RADIL: variants seen among roughly 807,000 people sequenced by gnomAD.
RADIL encodes the protein Rap associating with DIL domain.
Under a neutral mutation model 97.6 loss-of-function variants are expected in RADIL, and 99 were observed. The observed-to-expected ratio is 1.01, with a 90% confidence interval of 0.86 to 1.20. The LOEUF is 1.20. RADIL is among the 50% of genes most tolerant of loss of function. The pLI is 0.00. For missense variants in RADIL, 1,765 were observed against 1,498.9 expected (o/e 1.18, Z -2.93); for synonymous variants, 803 against 691.8 (o/e 1.16, Z -2.52).
intron 5 of RADIL, among the ~76,000 whole-genome samples, chr7:4,829,297 A>G (rs1014111858): frequency 6.6e-6 from 1 of 152,130 alleles, no homozygotes; most frequent in African/African-American, 2.4e-5. Context: ...ACAGTCCCAG[A>G]TCTCAGAGGC....
intron 2 of RADIL, among the ~76,000 whole-genome samples, chr7:4,844,668 A>G (rs1265749945): frequency 6.6e-6 from 1 of 152,122 alleles, no homozygotes; most frequent in Non-Finnish European, 1.5e-5. Context: ...CAATGGCACG[A>G]TCACAGCTCA....
intron 2 of RADIL, chr7:4,858,147 T>C (rs543293192): frequency 1.3e-4 from 20 of 152,366 alleles, no homozygotes; most frequent in African/African-American, 4.6e-4. Flanking sequence ...TATCAGAAAG[T>C]AATGGTGAAA....
intron 2 of RADIL, among the ~76,000 whole-genome samples, chr7:4,855,620 T>TAAAAAA (rs760588803): frequency 1.1e-5 from 1 of 88,166 alleles, no homozygotes; most frequent in Non-Finnish European, 2.4e-5. Context: ...TTTATTTTTG[T>TAAAAAA]AAAAAAAAAA....
chr7:4,844,254 G>C (rs778215912), intron 2 of RADIL, among the ~76,000 whole-genome samples: 1 of 152,008 alleles, frequency 6.6e-6, no homozygotes, highest in African/African-American at 2.4e-5. Flanking sequence ...GACCATCCTG[G>C]CCAACATGGT....
At chr7:4,832,850 G>A (rs558133467) in intron 4 of RADIL, among the ~76,000 whole-genome samples, 19 of 152,186 alleles carry the variant, frequency 1.2e-4, no homozygotes, top group Admixed American at 7.9e-4. Context: ...GTGTATATTT[G>A]GTAAGGAATG....
intron 9 of RADIL, among the ~76,000 whole-genome samples, chr7:4,807,954 CCTG>C (rs1214451660): frequency 7.1e-4 from 49 of 69,266 alleles, no homozygotes; most frequent in African/African-American, 3.7e-3. Context: ...CCTCTCCCTC[CCTG>C]TCTCTCTCCT....
intron 2 of RADIL, chr7:4,865,738 G>A: frequency 9.3e-7 from 1 of 1,071,564 alleles, no homozygotes; most frequent in Non-Finnish European, 1.4e-6. Context: ...GCAATCAAGA[G>A]TGAACTTCAG....
intron 9 of RADIL, among the ~76,000 whole-genome samples, chr7:4,806,884 A>T (rs1345638156): frequency 2.0e-5 from 3 of 152,180 alleles, no homozygotes; most frequent in African/African-American, 7.2e-5. Flanking sequence ...ACCTGAGTGC[A>T]AATCTTCAGG....
In RADIL at chr7:4,878,122, G is replaced by T. The variant is rs1259888558; in HGVS notation, c.18C>A (p.His6Gln). 3 of 1,564,538 alleles carry T rather than the reference G, an allele frequency of 1.9e-6. No homozygotes were observed. The highest frequency in any genetic ancestry group is 2.6e-6 in the Non-Finnish European group (3 of 1,155,824). MFYGT[H>Q]FIMSPPTKSK... ...TCTTGGTGGGCGGGGACATGATGAAGTGCGTCCCATAAAACATGGTGGGTG... is the reference window on the plus strand; with the variant it reads ...TCTTGGTGGGCGGGGACATGATGAATTGCGTCCCATAAAACATGGTGGGTG... Residue 6 changes from histidine (H) to glutamine (Q), a missense_variant, in exon 2 of 15, where the codon CAC (histidine) becomes CAA (glutamine). Transcript: ENST00000399583. This position sits in a 1 kb window ranked among gnomAD's most constrained non-coding sequence, Gnocchi z 4.1.
intron 2 of RADIL, among the ~76,000 whole-genome samples, chr7:4,846,734 T>C (rs1583303559): frequency 1.3e-5 from 2 of 150,764 alleles, no homozygotes; most frequent in East Asian, 2.0e-4. Context: ...TTAGTAGAGA[T>C]GGGGTTTCAC....
At chr7:4,808,577 A>C in intron 9 of RADIL, 2 of 977,150 alleles carry the variant, frequency 2.0e-6, no homozygotes, top group Non-Finnish European at 2.4e-6. Context: ...AGCGGCCGCA[A>C]AGCCCGAAGT....
At chr7:4,802,842 G>T (rs1384094703) in intron 11 of RADIL, among the ~76,000 whole-genome samples, 3 of 119,916 alleles carry the variant, frequency 2.5e-5, no homozygotes, top group Non-Finnish European at 1.7e-5. Flanking sequence ...CTCGGGGAAT[G>T]CTGGCTGGAC....
chr7:4,846,367 G>A (rs896300507), intron 2 of RADIL, among the ~76,000 whole-genome samples: 48 of 151,696 alleles, frequency 3.2e-4, no homozygotes, highest in Non-Finnish European at 5.7e-4. Flanking sequence ...GTGTGGTCTC[G>A]ATCTCCTGAC....
intron 2 of RADIL, among the ~76,000 whole-genome samples, chr7:4,851,990 CT>C (rs1783720197): frequency 6.6e-6 from 1 of 152,126 alleles, no homozygotes; most frequent in South Asian, 2.1e-4. Context: ...AACAGAGGAC[CT>C]CAAGGAAGTT....
intron 9 of RADIL, 85 bp from the exon 10 acceptor site, chr7:4,805,801 G>C (rs1454656992): frequency 1.3e-6 from 2 of 1,509,774 alleles, no homozygotes; most frequent in East Asian, 4.7e-5. Context: ...AGGTGGCCTG[G>C]GGGTAGCCAG....
rs572414617 is a variant in RADIL at position 4,820,769 on chromosome 7, G to A, written c.1615+1625C>T. On this transcript the variant is annotated intron_variant, in intron 6 of 14. Coordinates refer to ENST00000399583, the MANE Select transcript of RADIL (RefSeq NM_018059.5). ...GCCTGTTCCACGCGCCCTCAGTCCA[G>A]CCTGGTCTCTGCAGCCCGGCCCCCG... is the stretch of plus-strand genomic sequence containing the variant. Among the ~76,000 whole-genome samples, 351 of 152,174 alleles carry A rather than the reference G, an allele frequency of 2.3e-3. 4 individuals carry two copies. Among genetic ancestry groups the A allele is most frequent in the Non-Finnish European group, 4.4e-3 (296 of 68,014 alleles).
intron 9 of RADIL, chr7:4,806,003 A>G (rs891906026): frequency 1.0e-6 from 1 of 985,472 alleles, no homozygotes; most frequent in African/African-American, 1.7e-5. Flanking sequence ...GCGGCCGCCA[A>G]CCAGAGAAAC....
Position 4,877,746 on chromosome 7 carries a change from G to A in RADIL, c.394C>T (p.Arg132Trp), listed in dbSNP as rs766814753. 6.8e-6 allele frequency: 11 copies of A among 1,613,462 alleles called. No homozygotes were observed. Among genetic ancestry groups the A allele is most frequent in the South Asian group, 5.5e-5 (5 of 91,082 alleles). The stretch of plus-strand genomic sequence containing the variant: ...GGCTTCTCACTGTCCCCAAACACCC[G>A]AAAGCACCGGGCCTGCCACCGCTGC... ...AGQRWQARCF[R>W]VFGDSEKPLL... is the part of the protein sequence containing the mutation. Residue 132 changes from arginine (R) to tryptophan (W), a missense_variant, in exon 2 of 15, where the codon CGG becomes TGG. Arg to Trp is a moderately radical substitution (Grantham distance 101). Coordinates refer to ENST00000399583, the MANE Select transcript of RADIL (RefSeq NM_018059.5).
chr7:4,866,875 G>A (rs116588208), intron 2 of RADIL, among the ~76,000 whole-genome samples: 94 of 152,326 alleles, frequency 6.2e-4, no homozygotes, highest in African/African-American at 2.1e-3. Context: ...GGCTGGTACT[G>A]TGCTCACCGT....
Sources: allele counts gnomAD v4.1 joint callset (sites outside exome capture counted in the v4.1 genomes callset), GRCh38; gene constraint gnomAD v4.1.1; non-coding constraint Gnocchi (gnomAD v3.1); transcripts MANE v1.5; gene names NCBI Gene and HGNC (gene_info 2026-07-23, HGNC 2026-07-21).